Variants in LRP2 observed in about 807,000 individuals in gnomAD.
LRP2 encodes low-density lipoprotein receptor-related protein 2.
Under a neutral mutation model 531.0 loss-of-function variants are expected in LRP2, and 172 were observed. The ratio of observed to expected loss-of-function variants is 0.32; its 90% CI spans 0.29 to 0.37. The LOEUF is 0.37. Ranked by LOEUF, LRP2 falls within the 10% of genes least tolerant of loss-of-function variation. LRP2 has a pLI of 1.00. For synonymous variants in LRP2, 1,992 were observed against 2,027.6 expected, an observed-to-expected ratio of 0.98 and a Z score of 0.47; for missense variants, 5,167 against 5,868.3, an observed-to-expected ratio of 0.88 and a Z score of 3.90.
intron 4 of LRP2, among the ~76,000 whole-genome samples, chr2:169,301,486 A>G (rs1212521961): frequency 2.0e-5 from 3 of 152,056 alleles, no homozygotes; most frequent in Non-Finnish European, 4.4e-5. Context: ...AAAAGAACTA[A>G]GGGGGAAAAT....
chr2:169,225,095 A>AT lies in LRP2; in HGVS notation c.5538+214_5538+215insA, dbSNP rs111780623. 1.5e-4 allele frequency among the ~76,000 whole-genome samples: 23 copies of AT among 149,998 alleles called. 2 individuals carry two copies. Among genetic ancestry groups the AT allele is most frequent in the African/African-American group, 4.2e-4 (17 of 40,048 alleles). On this transcript the variant is annotated intron_variant, in intron 33 of 78. Coordinates refer to ENST00000649046, the MANE Select transcript of LRP2 (RefSeq NM_004525.3). ...GACAGAGTGAGACTTTGTCTAAAAA[A>AT]AAAATAAATAAATAAATAAAAATAA...
rs1021887590 is a variant in LRP2 at position 169,132,247 on chromosome 2, A to G, written c.13728+327T>C. Among the ~76,000 whole-genome samples the G allele has an allele frequency of 1.1e-4, 16 of 152,334 alleles. 1 individual carries two copies. The South Asian group carries it at 3.1e-3, about 30-fold the overall frequency. On this transcript the variant is annotated intron_variant, in intron 77 of 78. Coordinates refer to ENST00000649046, the MANE Select transcript of LRP2 (RefSeq NM_004525.3). ...TTCATCTGTATCTTTGACACCGTGA[A>G]ATCTTTATTCATACTGAGTCAATTT...
At chr2:169,273,428 AAAT>A (rs1325370961) in intron 14 of LRP2, among the ~76,000 whole-genome samples, 1 of 152,184 alleles carries the variant, frequency 6.6e-6, no homozygotes, top group East Asian at 1.9e-4. Flanking sequence ...AGGATATAAT[AAAT>A]ATTACTCACT....
At position 169,174,041 on chromosome 2, in the gene LRP2, G is replaced by T; in HGVS notation, c.10892C>A (p.Ala3631Asp). 6.2e-7 allele frequency: 1 copy of T among 1,614,200 alleles called. No individual in the cohort carries two copies. Among genetic ancestry groups the T allele is most frequent in the Non-Finnish European group, 8.5e-7 (1 of 1,180,048 alleles). ...DNSDEDSSHC[A>D]SRTCRPGQFR... is the part of the protein sequence containing the mutation. ...CTGGCCCGGCCGGCAGGTCCTGCTG[G>T]CACAGTGGGAACTGTCTTCATCTGA... The change falls in exon 56 of 79, where the codon GCC (alanine) becomes GAC (aspartate). Residue 3631 changes from alanine to aspartate, a missense_variant. By Grantham distance (126) the Ala-to-Asp change is moderately radical. This residue lies in a region of LRP2 where 311 missense variants were observed against 309.4 expected (regional missense o/e 1.01). Transcript: ENST00000649046.
chr2:169,318,832 G>A lies in LRP2; in HGVS notation c.240C>T (p.Cys80=). The change falls in exon 3 of 79, where the codon TGC becomes TGT. Residue 80 remains cysteine (C), a synonymous_variant. Coordinates refer to ENST00000649046, the MANE Select transcript of LRP2 (RefSeq NM_004525.3). ...GGTCACACACCCAGGAGTTGGGGATGCATTGTCCCTCACTCTGGCACTTGA... is the reference window on the plus strand; with the variant it reads ...GGTCACACACCCAGGAGTTGGGGATACATTGTCCCTCACTCTGGCACTTGA... ...GYFKCQSEGQ[C]IPNSWVCDQD... is the part of the protein sequence containing the mutation. The A allele has an allele frequency of 6.2e-7, 1 of 1,614,108 alleles. No individual in the cohort carries two copies. Among genetic ancestry groups the A allele is most frequent in the Non-Finnish European group, 8.5e-7 (1 of 1,179,978 alleles).
At position 169,206,933 on chromosome 2, in the gene LRP2, T is replaced by C; in HGVS notation, c.6787A>G (p.Ile2263Val). Residue 2263 changes from isoleucine (I) to valine (V), a missense_variant, in exon 39 of 79, where the codon ATC becomes GTC. Transcript: ENST00000649046. ...DSLDIIARIRINGENSEVIRY... is the reference protein window; with the variant it reads ...DSLDIIARIRVNGENSEVIRY... ...ATCACTTCAGAGTTCTCTCCATTGA[T>C]ACGAATCCTTGCAATTATATCTAAA... The C allele has an allele frequency of 6.2e-7, 1 of 1,614,212 alleles. No homozygotes were observed. Among genetic ancestry groups the C allele is most frequent in the East Asian group, 2.2e-5 (1 of 44,882 alleles).
chr2:169,180,075 T>A (rs555765655), intron 52 of LRP2, among the ~76,000 whole-genome samples: 1 of 152,314 alleles, frequency 6.6e-6, no homozygotes, highest in East Asian at 1.9e-4. Context: ...TTTTTTCATC[T>A]CTAATGCTCC....
intron 34 of LRP2, among the ~76,000 whole-genome samples, 181 bp from the exon 35 acceptor site, chr2:169,216,611 G>A (rs1450736203): frequency 1.3e-5 from 2 of 152,052 alleles, no homozygotes; most frequent in African/African-American, 4.8e-5. Context: ...TACCAATGTC[G>A]GTATATTTCC....
chr2:169,283,241 C>T (rs1683754908), intron 9 of LRP2, among the ~76,000 whole-genome samples: 1 of 152,172 alleles, frequency 6.6e-6, no homozygotes, highest in Admixed American at 6.5e-5. Flanking sequence ...ATGCACAACA[C>T]TTCCTGAATT....
intron 34 of LRP2, 60 bp downstream of exon 34, chr2:169,220,394 A>T: frequency 3.2e-6 from 4 of 1,231,994 alleles, no homozygotes; most frequent in Non-Finnish European, 4.8e-6. Flanking sequence ...ATTTTGTCAG[A>T]CCCTGACATT....
chr2:169,137,241 C>T, intron 76 of LRP2, 151 bp downstream of exon 76: 1 of 713,410 alleles, frequency 1.4e-6, no homozygotes, highest in Non-Finnish European at 2.6e-6. Context: ...TGGGTTGGTC[C>T]TGTTCCTGCA....
chr2:169,169,626 G>T lies in LRP2; in HGVS notation c.11497+76C>A. On this transcript the variant is annotated intron_variant, in intron 60 of 78. Transcript: ENST00000649046. Reference sequence around the variant, plus strand: ...CTTATGGCCTTTTAATCTAAGAAGCGGCAGCGGACTGATGTCTAAACTATC... The same window carrying T: ...CTTATGGCCTTTTAATCTAAGAAGCTGCAGCGGACTGATGTCTAAACTATC... 2.8e-6 allele frequency: 3 copies of T among 1,083,094 alleles called. No individual in the cohort carries two copies. In the South Asian group the frequency reaches 3.7e-5, roughly 13 times the overall value. 67.1% of individuals were successfully genotyped at this position (1,083,094 alleles called of 1,614,324 possible).
At chr2:169,254,527 A>C (rs1690220773) in intron 19 of LRP2, among the ~76,000 whole-genome samples, 2 of 78,970 alleles carry the variant, frequency 2.5e-5, no homozygotes, top group African/African-American at 1.2e-4. Context: ...TAGCATTGGG[A>C]GATATACCTA....
chr2:169,176,304 A>T, intron 54 of LRP2, 107 bp downstream of exon 54: 1 of 1,312,474 alleles, frequency 7.6e-7, no homozygotes, highest in Non-Finnish European at 1.1e-6. Context: ...CAAGTTAATT[A>T]ACCAAAATCT....
In LRP2 at chr2:169,226,412, C is replaced by A; in HGVS notation, c.5394+10G>T. 6.2e-7 allele frequency: 1 copy of A among 1,609,258 alleles called. No individual in the cohort carries two copies. On this transcript the variant is annotated intron_variant, in intron 32 of 78. Coordinates refer to ENST00000649046, the MANE Select transcript of LRP2 (RefSeq NM_004525.3). ...TAAATTATATACTTTGAATGTTATT[C>A]AAAACTTACTGGATTTTCAACCCAA...
chr2:169,200,839 A>G (rs1688180919), intron 44 of LRP2, among the ~76,000 whole-genome samples: 1 of 152,172 alleles, frequency 6.6e-6, no homozygotes, highest in Non-Finnish European at 1.5e-5. Context: ...CGGAACAACC[A>G]CCGATGGATG....
intron 66 of LRP2, 121 bp downstream of exon 66, chr2:169,154,339 T>G: frequency 1.1e-6 from 1 of 881,546 alleles, no homozygotes; most frequent in Non-Finnish European, 1.9e-6. Context: ...ATTGGAAGAG[T>G]TTCCTCCTCC....
At chr2:169,258,266 A>G (rs1690396854) in intron 17 of LRP2, among the ~76,000 whole-genome samples, 2 of 152,204 alleles carry the variant, frequency 1.3e-5, no homozygotes, top group South Asian at 2.1e-4. Context: ...AAGTCACTTT[A>G]TCTCACTGCG....
chr2:169,219,741 G>A (rs1433866709), intron 34 of LRP2, among the ~76,000 whole-genome samples: 2 of 152,066 alleles, frequency 1.3e-5, no homozygotes, highest in African/African-American at 2.4e-5. Flanking sequence ...TGGGTACTAT[G>A]CTCACTATCT....
Sources: gnomAD v4.1 joint callset for allele counts (sites outside exome capture counted in the v4.1 genomes callset) on GRCh38, gnomAD v4.1.1 for gene constraint, gnomAD v4.1.1 regional missense constraint, MANE v1.5 for transcripts, NCBI Gene and HGNC (gene_info 2026-07-23, HGNC 2026-07-21) for gene names.